GPR158: variants seen among roughly 807,000 people sequenced by gnomAD.
GPR158 encodes G protein-coupled receptor 158.
A neutral mutation model predicts 78.2 loss-of-function variants in GPR158; 30 were observed. The ratio of observed to expected loss-of-function variants is 0.38; its 90% CI spans 0.29 to 0.52. The LOEUF (loss-of-function observed/expected upper bound fraction) is 0.52. Ranked by LOEUF, GPR158 falls within the 20% of genes least tolerant of loss-of-function variation. GPR158 has a pLI of 0.83. For missense variants in GPR158, 1,463 were observed against 1,523.5 expected (o/e 0.96, Z 0.66); for synonymous variants, 581 against 591.1 (o/e 0.98, Z 0.25).
At chr10:25,238,770 A>G (rs1213944293) in intron 2 of GPR158, among the ~76,000 whole-genome samples, 1 of 152,218 alleles carries the variant, frequency 6.6e-6, no homozygotes, top group Non-Finnish European at 1.5e-5. Context: ...CGGATCTTCC[A>G]TAAGTCTTGT....
intron 4 of GPR158, among the ~76,000 whole-genome samples, chr10:25,415,006 C>T (rs982292511): frequency 6.6e-6 from 1 of 152,024 alleles, no homozygotes; most frequent in South Asian, 2.1e-4. Flanking sequence ...GGCATTCACA[C>T]ACCATATACA....
intron 2 of GPR158, among the ~76,000 whole-genome samples, chr10:25,347,093 T>C (rs1855381445): frequency 2.6e-5 from 4 of 151,986 alleles, no homozygotes; most frequent in South Asian, 4.1e-4. Context: ...TGTTCTCTTA[T>C]GATGTTATGG....
intron 2 of GPR158, among the ~76,000 whole-genome samples, chr10:25,275,227 G>T (rs1854168055): frequency 6.6e-6 from 1 of 152,068 alleles, no homozygotes; most frequent in Admixed American, 6.6e-5. Flanking sequence ...TTAAAAGTGT[G>T]GTCCAGGACT....
rs536574207 is a variant in GPR158 at position 25,274,221 on chromosome 10, A to G, written c.1008+53064A>G. On this transcript the variant is annotated intron_variant, in intron 2 of 10. Transcript: ENST00000376351. ...TTCTAAACATTTGTCTTTAGGTGAT[A>G]TTCATTTTCCTCCTATCTACAGAAA... 2.0e-5 allele frequency among the ~76,000 whole-genome samples: 3 copies of G among 152,296 alleles called. No homozygotes were observed. The South Asian group carries it at 6.2e-4, about 32-fold the overall frequency.
At chr10:25,183,881 G>T (rs913855301) in intron 1 of GPR158, among the ~76,000 whole-genome samples, 2 of 152,194 alleles carry the variant, frequency 1.3e-5, no homozygotes, top group Non-Finnish European at 2.9e-5. Context: ...TGATAGTAAA[G>T]AATTATATTG....
chr10:25,596,553 C>T, intron 9 of GPR158, 90 bp from the exon 10 acceptor site: 1 of 836,502 alleles, frequency 1.2e-6, no homozygotes, highest in Non-Finnish European at 2.0e-6. Context: ...ATATAGATAC[C>T]TATATAGATA....
chr10:25,590,525 A>G (rs1837327838), intron 8 of GPR158, among the ~76,000 whole-genome samples: 1 of 152,182 alleles, frequency 6.6e-6, no homozygotes, highest in African/African-American at 2.4e-5. Flanking sequence ...CAGAGCTCAA[A>G]CAGCCTTGAC....
At chr10:25,236,786 T>G (rs1564398214) in intron 2 of GPR158, among the ~76,000 whole-genome samples, 1 of 152,198 alleles carries the variant, frequency 6.6e-6, no homozygotes, top group African/African-American at 2.4e-5. Flanking sequence ...TTGTACATGT[T>G]TCTACTGTAA....
At chr10:25,563,253 C>G (rs1209433486) in intron 6 of GPR158, among the ~76,000 whole-genome samples, 1 of 152,036 alleles carries the variant, frequency 6.6e-6, no homozygotes, top group Non-Finnish European at 1.5e-5. Flanking sequence ...AATGTTATTA[C>G]TCTTAAGGAA....
intron 2 of GPR158, among the ~76,000 whole-genome samples, chr10:25,288,407 A>T (rs951302422): frequency 7.2e-5 from 11 of 152,218 alleles, no homozygotes; most frequent in African/African-American, 2.7e-4. Flanking sequence ...CCAACCACAT[A>T]GTTTGGGGCT....
chr10:25,387,736 G>C (rs111986968), intron 2 of GPR158, among the ~76,000 whole-genome samples: 1,641 of 152,072 alleles, frequency 0.011, 8 homozygotes, highest in Non-Finnish European at 0.016. Flanking sequence ...GGATGGTCTC[G>C]ATCTCCTGAC....
At chr10:25,228,460 A>G (rs956740265) in intron 2 of GPR158, among the ~76,000 whole-genome samples, 1 of 152,206 alleles carries the variant, frequency 6.6e-6, no homozygotes, top group African/African-American at 2.4e-5. Flanking sequence ...AAATAATATT[A>G]TACCATTGTG....
At chr10:25,505,414 C>G (rs1835997123) in intron 5 of GPR158, among the ~76,000 whole-genome samples, 1 of 152,178 alleles carries the variant, frequency 6.6e-6, no homozygotes, top group African/African-American at 2.4e-5. Flanking sequence ...AAGATGATTC[C>G]TCTGGGTCCA....
chr10:25,553,808 T>C (rs1836754979), intron 6 of GPR158, among the ~76,000 whole-genome samples: 1 of 152,132 alleles, frequency 6.6e-6, no homozygotes, highest in Non-Finnish European at 1.5e-5. Context: ...AAATCCAAAT[T>C]GGAACTTCAA....
intron 2 of GPR158, among the ~76,000 whole-genome samples, chr10:25,375,250 A>G (rs1189334026): frequency 2.0e-5 from 3 of 151,504 alleles, no homozygotes; most frequent in Admixed American, 1.3e-4. Flanking sequence ...TTACCCTTCA[A>G]TTTTAAGAGT....
intron 5 of GPR158, among the ~76,000 whole-genome samples, chr10:25,530,589 A>G (rs1836410687): frequency 6.6e-6 from 1 of 152,224 alleles, no homozygotes; most frequent in Non-Finnish European, 1.5e-5. Context: ...AGGAGAGTTT[A>G]AAGACATGTA....
chr10:25,389,310 GC>G (rs1834262116), intron 2 of GPR158, among the ~76,000 whole-genome samples: 8 of 152,092 alleles, frequency 5.3e-5, no homozygotes, highest in African/African-American at 1.9e-4. Flanking sequence ...GAGAGGAGCT[GC>G]CCACCCCAGG....
At chr10:25,240,810 T>C (rs12250636) in intron 2 of GPR158, among the ~76,000 whole-genome samples, 6,104 of 152,264 alleles carry the variant, frequency 0.04, 426 homozygotes, top group African/African-American at 0.14. Flanking sequence ...GGAGTAGAGC[T>C]ACCTTTTGGA....
Position 25,460,255 on chromosome 10 carries a change from A to T in GPR158, c.1336-6396A>T, listed in dbSNP as rs368838888. Among the ~76,000 whole-genome samples, 36 of 149,698 alleles carry T rather than the reference A, an allele frequency of 2.4e-4. No homozygotes were observed. The East Asian group carries it at 6.3e-3, about 26-fold the overall frequency. On this transcript the variant is annotated intron_variant, in intron 4 of 10. Transcript: ENST00000376351. Reference sequence around the variant, plus strand: ...CTTGCTCTGTTGCCAAGGCTGGAGTATAGTAGCTCGATCTGGGCTCACTGC... The same window carrying T: ...CTTGCTCTGTTGCCAAGGCTGGAGTTTAGTAGCTCGATCTGGGCTCACTGC...
Sources: gnomAD v4.1 joint callset for allele counts (sites outside exome capture counted in the v4.1 genomes callset) on GRCh38, gnomAD v4.1.1 for gene constraint, MANE v1.5 for transcripts, NCBI Gene and HGNC (gene_info 2026-07-23, HGNC 2026-07-21) for gene names.